PRUNE2: variants seen among roughly 807,000 people sequenced by gnomAD.
PRUNE2 encodes protein prune homolog 2.
A neutral mutation model predicts 252.0 loss-of-function variants in PRUNE2; 164 were observed. The ratio of observed to expected loss-of-function variants is 0.65; its 90% CI spans 0.57 to 0.74. The LOEUF (loss-of-function observed/expected upper bound fraction) is 0.74, where lower values mean the gene tolerates loss of function less well. PRUNE2 is among the 30% of genes least tolerant of loss of function. PRUNE2 has a pLI of 0.00. For missense variants in PRUNE2, 3,495 were observed against 3,711.0 expected (o/e 0.94, Z 1.51); for synonymous variants, 1,292 against 1,350.2 (o/e 0.96, Z 0.94).
At chr9:76,889,936 G>A (rs946843437) in intron 1 of PRUNE2, among the ~76,000 whole-genome samples, 14 of 152,196 alleles carry the variant, frequency 9.2e-5, no homozygotes, top group Non-Finnish European at 1.5e-4. Flanking sequence ...ACCCCAAAGT[G>A]TACTGAATCA....
chr9:76,663,882 C>A (rs752768016), intron 9 of PRUNE2, among the ~76,000 whole-genome samples: 8 of 152,168 alleles, frequency 5.3e-5, no homozygotes, highest in Non-Finnish European at 1.0e-4. Context: ...ATGGCATAAT[C>A]TCACATTGGA....
intron 9 of PRUNE2, among the ~76,000 whole-genome samples, chr9:76,683,987 A>G (rs921243799): frequency 3.3e-5 from 5 of 151,642 alleles, no homozygotes; most frequent in African/African-American, 1.2e-4. Context: ...ACGAATATAT[A>G]TTGATGGGAT....
Position 76,613,569 on chromosome 9 carries a change from A to G in PRUNE2, c.*1001T>C, listed in dbSNP as rs1240263009. The G allele has an allele frequency of 6.6e-6, 1 of 152,244 alleles. No individual in the cohort carries two copies. Among genetic ancestry groups the G allele is most frequent in the Non-Finnish European group, 1.5e-5 (1 of 68,044 alleles). 9.4% of individuals were successfully genotyped at this position (152,244 alleles called of 1,614,324 possible). On this transcript the variant is annotated 3_prime_UTR_variant, in exon 19 of 19. Transcript: ENST00000376718. ...CTGTGGTTTGCCACCCCACCTCACT[A>G]GAGGCCTACAGACTTGAAATCTTGT...
chr9:76,795,850 A>G (rs1325354552), intron 6 of PRUNE2, among the ~76,000 whole-genome samples: 1 of 152,156 alleles, frequency 6.6e-6, no homozygotes, highest in Non-Finnish European at 1.5e-5. Context: ...ATGGCCAGAA[A>G]CCATTTAATA....
chr9:76,799,676 T>A (rs1252729177), intron 6 of PRUNE2, among the ~76,000 whole-genome samples: 4 of 152,184 alleles, frequency 2.6e-5, no homozygotes, highest in Non-Finnish European at 5.9e-5. Context: ...GTCAGGGCAA[T>A]AAAATTTCTG....
intron 6 of PRUNE2, among the ~76,000 whole-genome samples, chr9:76,797,381 T>TTTTG (rs149376020): frequency 9.9e-5 from 15 of 152,040 alleles, no homozygotes; most frequent in Admixed American, 2.6e-4. Flanking sequence ...GTTCAGCTGT[T>TTTTG]TTTGTTTGTT....
intron 1 of PRUNE2, chr9:76,868,833 G>A (rs2060997863): frequency 9.4e-6 from 1 of 105,880 alleles, no homozygotes; most frequent in South Asian, 4.4e-4. Flanking sequence ...AGATCCTTGG[G>A]GGGTGGGGGG....
chr9:76,860,933 C>T (rs908189145), intron 1 of PRUNE2, among the ~76,000 whole-genome samples: 6 of 152,126 alleles, frequency 3.9e-5, no homozygotes, highest in African/African-American at 1.2e-4. Context: ...CAGGGTGATG[C>T]GGAAAGGGCC....
intron 4 of PRUNE2, among the ~76,000 whole-genome samples, chr9:76,838,311 G>C (rs2059178046): frequency 6.6e-6 from 1 of 151,958 alleles, no homozygotes; most frequent in South Asian, 2.1e-4. Context: ...TAAAAACAAT[G>C]AGTAATATAT....
chr9:76,766,546 T>C (rs979362435), intron 6 of PRUNE2, among the ~76,000 whole-genome samples: 4 of 152,228 alleles, frequency 2.6e-5, no homozygotes, highest in Admixed American at 6.5e-5. Context: ...AACTGGATCA[T>C]GTTCATGGAT....
Position 76,710,282 on chromosome 9 carries a change from G to T in PRUNE2, c.1992C>A (p.Ser664=). 4.3e-6 allele frequency: 7 copies of T among 1,613,942 alleles called. No individual in the cohort carries two copies. The highest frequency in any genetic ancestry group is 5.9e-6 in the Non-Finnish European group (7 of 1,179,876). Residue 664 remains serine (S), a synonymous_variant, in exon 8 of 19, where the codon TCC becomes TCA. Transcript: ENST00000376718. Reference sequence around the variant, plus strand: ...AACTCCACGCATCTGCAATATTTTTGGAGTCAATTTCCAAACCACCCCACC... The same window carrying T: ...AACTCCACGCATCTGCAATATTTTTTGAGTCAATTTCCAAACCACCCCACC... The part of the protein sequence containing the change: ...SSWWGGLEID[S]KNIADAWSSS...
At chr9:76,788,918 T>C (rs1345808812) in intron 6 of PRUNE2, among the ~76,000 whole-genome samples, 3 of 152,160 alleles carry the variant, frequency 2.0e-5, no homozygotes, top group Admixed American at 6.5e-5. Flanking sequence ...GGAGTTAAGG[T>C]AGCTCTATCC....
chr9:76,847,969 A>G (rs1294034107), intron 3 of PRUNE2, among the ~76,000 whole-genome samples: 1 of 152,210 alleles, frequency 6.6e-6, no homozygotes, highest in African/African-American at 2.4e-5. Context: ...TGCTGGTTTC[A>G]AAAAGTTAAT....
intron 1 of PRUNE2, among the ~76,000 whole-genome samples, chr9:76,867,774 T>A (rs1479566792): frequency 6.6e-6 from 1 of 152,152 alleles, no homozygotes; most frequent in Non-Finnish European, 1.5e-5. Context: ...GGTTTCACCA[T>A]GTTGGTCAGG....
chr9:76,745,072 A>C (rs568804630), intron 6 of PRUNE2, among the ~76,000 whole-genome samples: 1 of 143,700 alleles, frequency 7.0e-6, no homozygotes, highest in African/African-American at 2.7e-5. Context: ...AGAAAACAGG[A>C]GTAGGCACCC....
chr9:76,769,402 A>G (rs917813346), intron 6 of PRUNE2, among the ~76,000 whole-genome samples: 2 of 152,186 alleles, frequency 1.3e-5, no homozygotes, highest in African/African-American at 4.8e-5. Flanking sequence ...ATTGATGGAC[A>G]TTAAGGTTGC....
intron 1 of PRUNE2, chr9:76,857,134 G>A: frequency 2.2e-6 from 1 of 455,670 alleles, no homozygotes; most frequent in South Asian, 1.5e-5. Context: ...CATGGTCATG[G>A]CCTCTTCCAA....
intron 4 of PRUNE2, among the ~76,000 whole-genome samples, chr9:76,829,968 C>T (rs11145090): frequency 0.13 from 19,514 of 152,008 alleles, 1,393 homozygotes; most frequent in East Asian, 0.2. Context: ...AGAATAGAAA[C>T]AGAATCAGAG....
chr9:76,758,529 T>A (rs536036338), intron 6 of PRUNE2: 5 of 148,852 alleles, frequency 3.4e-5, no homozygotes, highest in African/African-American at 1.2e-4. Context: ...TTAGACAGAG[T>A]CTCACTGTCA....
Sources: gnomAD v4.1 joint callset for allele counts (sites outside exome capture counted in the v4.1 genomes callset) on GRCh38, gnomAD v4.1.1 for gene constraint, MANE v1.5 for transcripts, NCBI Gene and HGNC (gene_info 2026-07-23, HGNC 2026-07-21) for gene names.